RNF17: variants seen among roughly 807,000 people sequenced by gnomAD.
RNF17 encodes ring finger protein 17.
RNF17 carries 31 observed loss-of-function variants against 200.5 expected under a neutral mutation model. The observed-to-expected ratio is 0.15, with a 90% CI of 0.12 to 0.21. The LOEUF (loss-of-function observed/expected upper bound fraction) is 0.21. Ranked by LOEUF, RNF17 falls within the 10% of genes least tolerant of loss-of-function variation. RNF17 has a pLI of 1.00. For synonymous variants in RNF17, 606 were observed against 637.8 expected (o/e 0.95, Z 0.75); for missense variants, 1,628 against 1,905.1 (o/e 0.85, Z 2.71).
At chr13:24,758,804 C>T in the RNF17 span, among the ~76,000 whole-genome samples, 29 of 152,174 alleles carry the variant, frequency 1.9e-4, no homozygotes, top group South Asian at 5.0e-3. Flanking sequence ...CGGCTGGGCG[C>T]GGTGGCTCAC....
rs535137790 is a variant in RNF17 at position 24,779,089 on chromosome 13, C to T, written c.430-578C>T. Reference sequence around the variant, plus strand: ...GTGCACACCTGTAATTCCAGTTACTCGCAAGGCTGAGGCATGAGAATCTCT... The same window carrying T: ...GTGCACACCTGTAATTCCAGTTACTTGCAAGGCTGAGGCATGAGAATCTCT... On this transcript the variant is annotated intron_variant, in intron 4 of 35. Transcript: ENST00000255324. Among the ~76,000 whole-genome samples the T allele has an allele frequency of 4.6e-5, 7 of 151,960 alleles. No individual in the cohort carries two copies. The South Asian group carries it at 8.3e-4, about 18-fold the overall frequency.
upstream of RNF17, among the ~76,000 whole-genome samples, chr13:24,760,199 G>A (rs944917834): frequency 2.6e-5 from 4 of 152,136 alleles, no homozygotes; most frequent in Admixed American, 6.6e-5. Context: ...TACACAAGAT[G>A]TAGTGATTGA....
chr13:24,824,195 G>C (rs1888391273), intron 15 of RNF17: 2 of 714,716 alleles, frequency 2.8e-6, no homozygotes, highest in Non-Finnish European at 5.2e-6. Context: ...TTGCTTTGTA[G>C]AGATCTGATC....
intron 27 of RNF17, 117 bp downstream of exon 27, chr13:24,861,504 A>AC: frequency 1.5e-6 from 1 of 664,840 alleles, no homozygotes; most frequent in South Asian, 2.8e-5. Context: ...AAGTAATAAA[A>AC]CACCAACAAA....
At chr13:24,758,570 A>G in the RNF17 span, among the ~76,000 whole-genome samples, 16 of 152,196 alleles carry the variant, frequency 1.1e-4, no homozygotes, top group Admixed American at 2.0e-4. Flanking sequence ...TACAAAGCAC[A>G]AAGGCTGAAG....
intron 11 of RNF17, among the ~76,000 whole-genome samples, chr13:24,798,160 A>AT (rs1884828741): frequency 6.6e-6 from 1 of 152,192 alleles, no homozygotes; most frequent in Non-Finnish European, 1.5e-5. Context: ...ATTTAATATT[A>AT]GAAGTGTTTG....
Position 24,827,701 on chromosome 13 carries a change from C to CAAAA in RNF17, c.2245+1942_2245+1945dup, listed in dbSNP as rs538402990. Among the ~76,000 whole-genome samples the CAAAA allele has an allele frequency of 8.5e-3, 104 of 12,212 alleles. 23 individuals are homozygous for CAAAA. Among genetic ancestry groups the CAAAA allele is most frequent in the East Asian group, 0.042 (20 of 474 alleles). 8.0% of individuals were successfully genotyped at this position (12,212 alleles called of 152,430 possible). On this transcript the variant is annotated intron_variant, in intron 16 of 35. Coordinates refer to ENST00000255324, the MANE Select transcript of RNF17 (RefSeq NM_031277.3). ...TGGGCGACAGAGCGAGACTCCGTCTCAAAAAAAAAAAAAAAACAAAAAAAA... is the reference window on the plus strand; with the variant it reads ...TGGGCGACAGAGCGAGACTCCGTCTCAAAAAAAAAAAAAAAAAAAACAAAAAAAA...
intron 28 of RNF17, among the ~76,000 whole-genome samples, chr13:24,863,574 G>A (rs1266895844): frequency 6.6e-6 from 1 of 152,072 alleles, no homozygotes; most frequent in African/African-American, 2.4e-5. Flanking sequence ...GGTAAGGAAA[G>A]TATTTCTGTA....
chr13:24,836,039 A>T (rs566959466), intron 18 of RNF17, among the ~76,000 whole-genome samples: 1 of 152,242 alleles, frequency 6.6e-6, no homozygotes, highest in Non-Finnish European at 1.5e-5. Context: ...GGAATTGAAC[A>T]AGTAGAAGAA....
At chr13:24,873,066 T>C (rs980307680) in intron 32 of RNF17, among the ~76,000 whole-genome samples, 1 of 152,180 alleles carries the variant, frequency 6.6e-6, no homozygotes, top group Admixed American at 6.5e-5. Context: ...AGCAATGTAA[T>C]TGAATTTTTA....
Position 24,765,970 on chromosome 13 carries a change from A to G in RNF17, c.131-1302A>G, listed in dbSNP as rs577570499. Among the ~76,000 whole-genome samples the G allele has an allele frequency of 1.9e-4, 29 of 152,320 alleles. 2 individuals carry two copies. In the South Asian group the frequency reaches 5.8e-3, roughly 30 times the overall value. On this transcript the variant is annotated intron_variant, in intron 1 of 35. Coordinates refer to ENST00000255324, the MANE Select transcript of RNF17 (RefSeq NM_031277.3). ...AGGCCGGGCACAGTGGCTCACGCCT[A>G]TAGTCCCAGCACTTTGGGAGGCCGA...
intron 33 of RNF17, among the ~76,000 whole-genome samples, chr13:24,874,608 C>T (rs1268097858): frequency 1.3e-5 from 2 of 151,920 alleles, no homozygotes; most frequent in Admixed American, 6.6e-5. Flanking sequence ...GATGGGGTTT[C>T]GCCATGTTGG....
chr13:24,778,457 G>C (rs1353136167), intron 4 of RNF17, 51 bp downstream of exon 4: 3 of 1,150,942 alleles, frequency 2.6e-6, no homozygotes, highest in Non-Finnish European at 1.3e-6. Context: ...GTTTGACTTT[G>C]TCTCTAGTAG....
At chr13:24,787,815 T>G (rs1883317335) in intron 6 of RNF17, among the ~76,000 whole-genome samples, 173 bp from the exon 7 acceptor site, 1 of 152,230 alleles carries the variant, frequency 6.6e-6, no homozygotes, top group Non-Finnish European at 1.5e-5. Flanking sequence ...ATGTTAATTT[T>G]ATCAACAAGT....
chr13:24,881,442 A>G (rs1462235607), downstream of RNF17, among the ~76,000 whole-genome samples: 1 of 152,048 alleles, frequency 6.6e-6, no homozygotes, highest in Non-Finnish European at 1.5e-5. Flanking sequence ...TGCCTGGCCT[A>G]TCAACCTTTT....
chr13:24,751,164 C>T, the RNF17 span: 1 of 152,080 alleles, frequency 6.6e-6, no homozygotes, highest in Non-Finnish European at 1.5e-5. Flanking sequence ...TTGACGCTTT[C>T]TTCGCAGGCC....
intron 2 of RNF17, among the ~76,000 whole-genome samples, chr13:24,772,272 TTGG>T (rs1409006125): frequency 6.6e-6 from 1 of 152,174 alleles, no homozygotes; most frequent in African/African-American, 2.4e-5. Context: ...GTCTTATTAA[TTGG>T]TGGAATAAAT....
At chr13:24,752,900 G>A in the RNF17 span, among the ~76,000 whole-genome samples, 20 of 152,176 alleles carry the variant, frequency 1.3e-4, no homozygotes, top group East Asian at 1.9e-4. Flanking sequence ...CGTGGCCTGC[G>A]TGGCCCTACT....
At chr13:24,748,904 C>T in the RNF17 span, among the ~76,000 whole-genome samples, 1 of 152,174 alleles carries the variant, frequency 6.6e-6, no homozygotes, top group East Asian at 1.9e-4. Context: ...CATGTGCCAC[C>T]ATGCCCGGCT....
Sources: gnomAD v4.1 joint callset for allele counts (sites outside exome capture counted in the v4.1 genomes callset) on GRCh38, gnomAD v4.1.1 for gene constraint, MANE v1.5 for transcripts, NCBI Gene and HGNC (gene_info 2026-07-23, HGNC 2026-07-21) for gene names.